The following DNAJA3 variants were observed in gnomAD, a reference collection of about 807,000 sequenced individuals.
DNAJA3 encodes DnaJ heat shock protein family (Hsp40) member A3, also known as dnaJ homolog subfamily A member 3, mitochondrial.
In DNAJA3, 29 loss-of-function variants were observed where a neutral mutation model predicts 54.9. The observed-to-expected ratio is 0.53, with a 90% CI of 0.39 to 0.72. The LOEUF is 0.72. Ranked by LOEUF, DNAJA3 falls within the 30% of genes least tolerant of loss-of-function variation. DNAJA3 has a pLI of 0.00. For missense variants in DNAJA3, 708 were observed against 639.4 expected (o/e 1.11, Z -1.16); for synonymous variants, 302 against 251.4 (o/e 1.20, Z -1.90).
chr16:4,441,617 A>C lies in DNAJA3; in HGVS notation c.630+42A>C, dbSNP rs776255815. On this transcript the variant is annotated intron_variant, in intron 4 of 11. Coordinates refer to ENST00000262375, the MANE Select transcript of DNAJA3 (RefSeq NM_005147.6). ...GAAGAATTATTCAAATTTTAGACTAAGTATGGGTCAAACAAATTTTTTTAT... is the reference window on the plus strand; with the variant it reads ...GAAGAATTATTCAAATTTTAGACTACGTATGGGTCAAACAAATTTTTTTAT... 12 of 1,592,252 alleles carry C rather than the reference A, an allele frequency of 7.5e-6. 1 individual carries two copies. Among genetic ancestry groups the C allele is most frequent in the Admixed American group, 5.3e-5 (3 of 56,898 alleles).
intron 2 of DNAJA3, among the ~76,000 whole-genome samples, chr16:4,435,033 A>G (rs2056757053): frequency 6.6e-6 from 1 of 151,262 alleles, no homozygotes; most frequent in East Asian, 1.9e-4. Flanking sequence ...AGTAGCTGGG[A>G]CTATAGGCAC....
chr16:4,454,631 C>T (rs1194986460), intron 10 of DNAJA3, among the ~76,000 whole-genome samples, 180 bp from the exon 11 acceptor site: 4 of 152,218 alleles, frequency 2.6e-5, no homozygotes, highest in Admixed American at 2.0e-4. Flanking sequence ...TCACCTCAGT[C>T]GTCTGCAAGG....
Position 4,453,823 on chromosome 16 carries a change from C to T in DNAJA3, c.1340-988C>T, listed in dbSNP as rs559839126. On this transcript the variant is annotated intron_variant, in intron 10 of 11. Transcript: ENST00000262375. The stretch of plus-strand genomic sequence containing the variant: ...GTGGCCCCAAACTTTGGACCTTTCA[C>T]TAGCGAAGGCACCTTCTTACTTAGA... Among the ~76,000 whole-genome samples the T allele has an allele frequency of 2.4e-4, 36 of 152,324 alleles. No homozygotes were observed. The South Asian group carries it at 2.7e-3, about 11-fold the overall frequency.
At chr16:4,438,903 C>A (rs1192121056) in intron 3 of DNAJA3, among the ~76,000 whole-genome samples, 2 of 151,974 alleles carry the variant, frequency 1.3e-5, no homozygotes, top group Non-Finnish European at 2.9e-5. Flanking sequence ...TCAACTAGAT[C>A]TAATGAAAAG....
intron 1 of DNAJA3, chr16:4,433,892 G>A (rs2056738504): frequency 6.3e-6 from 1 of 158,992 alleles, no homozygotes; most frequent in African/African-American, 2.4e-5. Context: ...CATTATTGAA[G>A]TGCATTAGGG....
chr16:4,437,786 CAA>C (rs1209856777), intron 3 of DNAJA3, among the ~76,000 whole-genome samples: 24 of 76,730 alleles, frequency 3.1e-4, no homozygotes, highest in African/African-American at 3.4e-4. Flanking sequence ...CACGTCTCTA[CAA>C]AAAAAAAAAA....
intron 7 of DNAJA3, 28 bp downstream of exon 7, chr16:4,444,756 G>C (rs781055743): frequency 6.2e-7 from 1 of 1,607,248 alleles, no homozygotes; most frequent in African/African-American, 1.3e-5. Flanking sequence ...CACAGCTTCT[G>C]TTGGGCCTTT....
At position 4,433,558 on chromosome 16, in the gene DNAJA3, G is replaced by A. The variant is rs181467766; in HGVS notation, c.212-826G>A. ...TCTGTGTTTTCATCAGTCTAATGAT[G>A]CTGTTGGTCCAGGGAGCGCAGTCTT... On this transcript the variant is annotated intron_variant, in intron 1 of 11. Transcript: ENST00000262375. 1.6e-3 allele frequency among the ~76,000 whole-genome samples: 245 copies of A among 152,310 alleles called. 1 individual carries two copies. The highest frequency in any genetic ancestry group is 5.6e-3 in the African/African-American group (232 of 41,560).
chr16:4,443,509 T>C (rs1375395058), intron 6 of DNAJA3, among the ~76,000 whole-genome samples: 1 of 152,124 alleles, frequency 6.6e-6, no homozygotes, highest in African/African-American at 2.4e-5. Context: ...GAAGCCATCA[T>C]TGTCCCTGCT....
At chr16:4,448,252 C>G (rs1456452702) in intron 8 of DNAJA3, among the ~76,000 whole-genome samples, 1 of 150,754 alleles carries the variant, frequency 6.6e-6, no homozygotes, top group African/African-American at 2.4e-5. Flanking sequence ...GTCTCAATCA[C>G]CTGACCTCGT....
rs1443017661 is a variant in DNAJA3, at chr16:4,455,981, T to C, written c.*449T>C. ...CTCCGGGAGGTTCCAGAATGAGTTC[T>C]TCCTGACAGGTTGTCTTCACTGGGA... On this transcript the variant is annotated 3_prime_UTR_variant, in exon 12 of 12. Transcript: ENST00000262375. 1 of 200,408 alleles carries C rather than the reference T, an allele frequency of 5.0e-6. No homozygotes were observed. 12.4% of individuals were successfully genotyped at this position (200,408 alleles called of 1,614,324 possible).
In DNAJA3 at chr16:4,448,305, A is replaced by G. The variant is rs142852308; in HGVS notation, c.1126-428A>G. Reference sequence around the variant, plus strand: ...CCCCCAAAGTGCTGGGATTACAGGCATGAGCCACTGCGCCCGGCCTTTTTT... The same window carrying G: ...CCCCCAAAGTGCTGGGATTACAGGCGTGAGCCACTGCGCCCGGCCTTTTTT... On this transcript the variant is annotated intron_variant, in intron 8 of 11. Transcript: ENST00000262375. 1.7e-3 allele frequency among the ~76,000 whole-genome samples: 238 copies of G among 144,118 alleles called. 3 individuals are homozygous for G. The East Asian group carries it at 0.025, about 15-fold the overall frequency. The allele number at this position is 144,118 out of a possible 152,430, so 94.5% of individuals were successfully genotyped here.
At chr16:4,442,521 G>T in intron 5 of DNAJA3, 101 bp downstream of exon 5, 2 of 1,352,036 alleles carry the variant, frequency 1.5e-6, no homozygotes, top group Non-Finnish European at 2.0e-6. Flanking sequence ...GGGAATTGGG[G>T]GAGTTGGTGA....
chr16:4,445,900 A>G (rs1482895966), intron 7 of DNAJA3, among the ~76,000 whole-genome samples: 2 of 151,182 alleles, frequency 1.3e-5, no homozygotes, highest in African/African-American at 2.4e-5. Flanking sequence ...CATGCTTGTT[A>G]TATTATTTAC....
intron 1 of DNAJA3, among the ~76,000 whole-genome samples, chr16:4,432,335 CTTTTTTTTT>C (rs538764932): frequency 1.4e-5 from 1 of 73,226 alleles, no homozygotes; most frequent in Non-Finnish European, 3.7e-5. Context: ...ATTTTTCTTT[CTTTTTTTTT>C]TTCTTTTTTT....
chr16:4,449,050 G>A (rs774911638), intron 9 of DNAJA3, among the ~76,000 whole-genome samples: 1 of 152,162 alleles, frequency 6.6e-6, no homozygotes, highest in Non-Finnish European at 1.5e-5. Flanking sequence ...AGGCTGGAGT[G>A]CAGTGGCGCC....
chr16:4,432,561 C>CT (rs1296706831), intron 1 of DNAJA3, among the ~76,000 whole-genome samples: 4 of 151,894 alleles, frequency 2.6e-5, no homozygotes, highest in Admixed American at 6.6e-5. Context: ...AGGCTGGTCT[C>CT]TAACTCCTGA....
chr16:4,436,108 A>G (rs180791391), intron 2 of DNAJA3, among the ~76,000 whole-genome samples: 149 of 152,196 alleles, frequency 9.8e-4, no homozygotes, highest in African/African-American at 1.9e-3. Context: ...CATGTTGGCT[A>G]TTAGTATGTC....
chr16:4,445,253 G>A (rs1039603766), intron 7 of DNAJA3, among the ~76,000 whole-genome samples: 2 of 152,230 alleles, frequency 1.3e-5, no homozygotes, highest in Non-Finnish European at 2.9e-5. Flanking sequence ...GGCTCAGTGA[G>A]CCGTGGTGGT....
Sources: allele counts gnomAD v4.1 joint callset (sites outside exome capture counted in the v4.1 genomes callset), GRCh38; gene constraint gnomAD v4.1.1; transcripts MANE v1.5; gene names NCBI Gene and HGNC (gene_info 2026-07-23, HGNC 2026-07-21).